Variants in TLR8 observed in about 807,000 individuals in gnomAD.
The protein encoded by TLR8 is toll like receptor 8.
A neutral mutation model predicts 18.5 loss-of-function variants in TLR8; 5 were observed. That is an observed-to-expected ratio of 0.27 (90% confidence interval 0.14 to 0.57). The LOEUF (loss-of-function observed/expected upper bound fraction) is 0.57, where lower values mean the gene tolerates loss of function less well. TLR8 is among the 20% of genes least tolerant of loss of function. The probability of loss-of-function intolerance (pLI) is 0.92; values close to 1 mark genes in which losing one functional copy is unlikely to be tolerated. For synonymous variants in TLR8, 299 were observed against 300.1 expected (o/e 1.00, Z 0.04); for missense variants, 543 against 769.8 (o/e 0.71, Z 3.49).
At chrX:12,914,336 T>TAC (rs1231961203) in intron 1 of TLR8, among the ~76,000 whole-genome samples, 2 of 111,767 alleles carry the variant, frequency 1.8e-5, no homozygotes, top group Admixed American at 9.5e-5. Context: ...CTTTATGCCT[T>TAC]ACACTGCCCT....
intron 1 of TLR8, among the ~76,000 whole-genome samples, chrX:12,910,769 CTGT>C (rs1016161237): frequency 8.9e-6 from 1 of 111,999 alleles, no homozygotes; most frequent in African/African-American, 3.2e-5. Flanking sequence ...CTGAGAGAGG[CTGT>C]TGTTGTTGTG....
rs1348574073 is a variant in TLR8 at position 12,922,671 on chromosome X, A to T, written c.*505A>T. ...TGGGAGTGACCACCTCAGTCCAGGG[A>T]AAACAGCTGAAGACCAAGATGGTGA... On this transcript the variant is annotated 3_prime_UTR_variant, in exon 2 of 2. Transcript: ENST00000218032. 1.8e-5 allele frequency: 2 copies of T among 113,017 alleles called. No homozygotes were observed. Among genetic ancestry groups the T allele is most frequent in the Non-Finnish European group, 3.7e-5 (2 of 53,821 alleles). 9.3% of individuals were successfully genotyped at this position (113,017 alleles called of 1,213,427 possible).
rs56194919 is a variant in TLR8 at position 12,919,115 on chromosome X, C to T, written c.75C>T (p.Cys25=). 0.015 allele frequency: 18,716 copies of T among 1,209,551 alleles called. 131 individuals carry two copies. The highest frequency in any genetic ancestry group is 0.019 in the Middle Eastern group (81 of 4,355). The change falls in exon 2 of 2, where the codon TGC becomes TGT. Residue 25 remains cysteine (C), a synonymous_variant. Coordinates refer to ENST00000218032, the MANE Select transcript of TLR8 (RefSeq NM_138636.5). ...TAATATCTGGTTCCTGTGAGTTATGCGCCGAAGAAAATTTTTCTAGAAGCT... is the reference window on the plus strand; with the variant it reads ...TAATATCTGGTTCCTGTGAGTTATGTGCCGAAGAAAATTTTTCTAGAAGCT... The part of the protein sequence containing the change: ...FLLISGSCEL[C]AEENFSRSYP...
intron 1 of TLR8, among the ~76,000 whole-genome samples, chrX:12,913,496 T>C (rs187007341): frequency 4.9e-4 from 55 of 113,040 alleles, no homozygotes; most frequent in African/African-American, 1.7e-3. Flanking sequence ...CTAATAAATA[T>C]TTAATGAATG....
At chrX:12,911,851 C>T (rs1208467248) in intron 1 of TLR8, among the ~76,000 whole-genome samples, 2 of 113,056 alleles carry the variant, frequency 1.8e-5, no homozygotes, top group African/African-American at 6.4e-5. Context: ...AGGCACAGGG[C>T]TGTAGGCTTC....
At chrX:12,911,499 G>T (rs1443570650) in intron 1 of TLR8, among the ~76,000 whole-genome samples, 1 of 111,175 alleles carries the variant, frequency 9.0e-6, no homozygotes, top group African/African-American at 3.3e-5. Flanking sequence ...CTTATAAGGG[G>T]ACCAGTTATT....
At position 12,921,280 on chromosome X, in the gene TLR8, T is replaced by C; in HGVS notation, c.2240T>C (p.Leu747Pro). The change falls in exon 2 of 2, where the codon CTG (leucine) becomes CCG (proline). Residue 747 changes from leucine (L) to proline (P), a missense_variant. Leu to Pro is a moderately conservative substitution (Grantham distance 98). Around this residue, in one of 4 missense-constraint regions of TLR8, gnomAD observed 227 missense variants for 312.9 expected, o/e 0.73. Transcript: ENST00000218032. Reference protein sequence around the residue: ...SLKHLDLSSNLLKTINKSALE... With the variant: ...SLKHLDLSSNPLKTINKSALE... Reference sequence around the variant, plus strand: ...AAGCACCTCGATTTAAGTTCCAATCTGCTAAAAACAATCAACAAATCCGCA... The same window carrying C: ...AAGCACCTCGATTTAAGTTCCAATCCGCTAAAAACAATCAACAAATCCGCA... The C allele has an allele frequency of 1.7e-6, 2 of 1,211,763 alleles. No homozygotes were observed. Among genetic ancestry groups the C allele is most frequent in the Non-Finnish European group, 2.2e-6 (2 of 895,478 alleles).
rs1970800368 is a variant in TLR8, at chrX:12,921,064, T to C, written c.2024T>C (p.Met675Thr). The C allele has an allele frequency of 2.5e-6, 3 of 1,211,484 alleles. No individual in the cohort carries two copies. Among genetic ancestry groups the C allele is most frequent in the African/African-American group, 1.7e-5 (1 of 57,865 alleles). Residue 675 changes from methionine to threonine, a missense_variant, in exon 2 of 2, where the codon ATG becomes ACG. Physicochemically the swap from Met to Thr is moderately conservative, Grantham distance 81 (BLOSUM62 -1). Around this residue, in one of 4 missense-constraint regions of TLR8, gnomAD observed 227 missense variants for 312.9 expected, o/e 0.73. Coordinates refer to ENST00000218032, the MANE Select transcript of TLR8 (RefSeq NM_138636.5). ...ACTGAACTACATATAAATGATAATA[T>C]GTTAAAGTTTTTTAACTGGACATTA... ...SLTELHINDN[M>T]LKFFNWTLLQ...
intron 1 of TLR8, among the ~76,000 whole-genome samples, chrX:12,917,431 G>A (rs982190279): frequency 5.3e-5 from 6 of 112,299 alleles, no homozygotes; most frequent in African/African-American, 1.6e-4. Flanking sequence ...TAGTGAGAGT[G>A]TGACATATAA....
chrX:12,914,803 C>T (rs1049342933), intron 1 of TLR8, among the ~76,000 whole-genome samples: 1 of 111,798 alleles, frequency 8.9e-6, no homozygotes, highest in Non-Finnish European at 1.9e-5. Flanking sequence ...AAACATGGTG[C>T]CACCCTGCTT....
At chrX:12,914,712 C>T (rs766459937) in intron 1 of TLR8, among the ~76,000 whole-genome samples, 14 of 111,409 alleles carry the variant, frequency 1.3e-4, no homozygotes, top group African/African-American at 4.6e-4. Flanking sequence ...ATCTCTATTG[C>T]CACCACCCTA....
intron 1 of TLR8, among the ~76,000 whole-genome samples, chrX:12,912,529 CTG>C (rs2043028430): frequency 8.8e-6 from 1 of 113,702 alleles, no homozygotes; most frequent in Non-Finnish European, 1.9e-5. Flanking sequence ...CATTCCAACT[CTG>C]TGCAGTCCTG....
intron 1 of TLR8, 152 bp from the exon 2 acceptor site, chrX:12,918,892 C>T: frequency 3.2e-6 from 2 of 626,868 alleles, no homozygotes; most frequent in South Asian, 6.5e-5. Context: ...TAAAATCATT[C>T]TGGACCTAAT....
At chrX:12,910,953 T>C (rs2043016936) in intron 1 of TLR8, among the ~76,000 whole-genome samples, 2 of 107,503 alleles carry the variant, frequency 1.9e-5, no homozygotes, top group Admixed American at 2.0e-4. Flanking sequence ...TTTTTTTTTC[T>C]TTTTTTTTTC....
intron 1 of TLR8, chrX:12,910,189 C>A: frequency 3.2e-6 from 2 of 634,009 alleles, no homozygotes; most frequent in Non-Finnish European, 4.6e-6. Context: ...CAGAATCCAT[C>A]AAAAATTAGA....
chrX:12,913,413 G>A (rs2043033965), intron 1 of TLR8, among the ~76,000 whole-genome samples: 2 of 112,128 alleles, frequency 1.8e-5, no homozygotes, highest in Non-Finnish European at 3.8e-5. Flanking sequence ...TTCAAAATGG[G>A]CAAGTATTTT....
intron 1 of TLR8, among the ~76,000 whole-genome samples, chrX:12,912,523 C>T (rs1475865627): frequency 1.8e-5 from 2 of 113,638 alleles, no homozygotes; most frequent in Non-Finnish European, 3.7e-5. Flanking sequence ...GCAATCCATT[C>T]CAACTCTGTG....
Position 12,921,986 on chromosome X carries a change from A to C in TLR8, c.2946A>C (p.Pro982=), listed in dbSNP as rs1434532015. The C allele has an allele frequency of 2.9e-5, 35 of 1,209,636 alleles. No homozygotes were observed. The highest frequency in any genetic ancestry group is 3.8e-5 in the Non-Finnish European group (34 of 894,710). The part of the protein sequence containing the change: ...MDVIIFILLE[P]VLQHSQYLRL... ...TGATTATATTTATCCTGCTGGAGCC[A>C]GTGTTACAGCATTCTCAGTATTTGA... The change falls in exon 2 of 2, where the codon CCA becomes CCC. Residue 982 remains proline, a synonymous_variant. Transcript: ENST00000218032.
rs368368554 is a variant in TLR8 at position 12,909,058 on chromosome X, G to A, written c.3+2349G>A. Among the ~76,000 whole-genome samples the A allele has an allele frequency of 2.2e-4, 24 of 111,435 alleles. 2 individuals are homozygous for A. The East Asian group carries it at 2.2e-3, about 10-fold the overall frequency. On this transcript the variant is annotated intron_variant, in intron 1 of 1. Transcript: ENST00000218032. ...TTATTTGTAAGTGCATCATAGTGTC[G>A]CCTCCAGGTTCCATTGAGGGGAACG...
Sources: gnomAD v4.1 joint callset for allele counts (sites outside exome capture counted in the v4.1 genomes callset) on GRCh38, gnomAD v4.1.1 for gene constraint, gnomAD v4.1.1 regional missense constraint, MANE v1.5 for transcripts, NCBI Gene and HGNC (gene_info 2026-07-23, HGNC 2026-07-21) for gene names.